The following RFX8 variants were observed in gnomAD, a reference collection of about 807,000 sequenced individuals.
The protein encoded by RFX8 is regulatory factor X8.
In RFX8, 46 loss-of-function variants were observed where a neutral mutation model predicts 54.6. That is an observed-to-expected ratio of 0.84 (90% CI 0.67 to 1.08). The LOEUF (loss-of-function observed/expected upper bound fraction) is 1.08, where lower values mean the gene tolerates loss of function less well. RFX8 is among the 50% of genes least tolerant of loss of function. The pLI is 0.00. For missense variants in RFX8, 536 were observed against 562.3 expected, an observed-to-expected ratio of 0.95 and a Z score of 0.47; for synonymous variants, 192 against 209.5, an observed-to-expected ratio of 0.92 and a Z score of 0.72.
chr2:101,444,712 A>G (rs2148963151), intron 2 of RFX8, among the ~76,000 whole-genome samples: 1 of 152,382 alleles, frequency 6.6e-6, no homozygotes, highest in South Asian at 2.1e-4. Flanking sequence ...ACTGAAAAAT[A>G]CAATAACTAG....
chr2:101,419,534 C>A (rs558936118), intron 4 of RFX8, among the ~76,000 whole-genome samples: 1 of 152,338 alleles, frequency 6.6e-6, no homozygotes, highest in South Asian at 2.1e-4. Context: ...TTTTTTCCCA[C>A]GTTGACTTTT....
chr2:101,468,272 A>C (rs1177652825), intron 1 of RFX8, among the ~76,000 whole-genome samples: 1 of 152,184 alleles, frequency 6.6e-6, no homozygotes, highest in Admixed American at 6.5e-5. Flanking sequence ...AAGTGCCAGC[A>C]AGGTCGGTTC....
At chr2:101,462,554 A>C (rs1015456663) in intron 2 of RFX8, among the ~76,000 whole-genome samples, 2 of 152,216 alleles carry the variant, frequency 1.3e-5, no homozygotes, top group African/African-American at 2.4e-5. Context: ...AGGCAAAAAG[A>C]ATGATAAAAG....
At chr2:101,420,131 A>G (rs950412469) in intron 4 of RFX8, among the ~76,000 whole-genome samples, 1 of 152,086 alleles carries the variant, frequency 6.6e-6, no homozygotes, top group Non-Finnish European at 1.5e-5. Context: ...GCCAAGCCCT[A>G]TTGTCACTGC....
intron 2 of RFX8, among the ~76,000 whole-genome samples, chr2:101,434,679 T>G (rs1287417122): frequency 6.6e-6 from 1 of 152,144 alleles, no homozygotes; most frequent in Non-Finnish European, 1.5e-5. Context: ...CAAGGAAGGG[T>G]GCAGTCCAGG....
intron 2 of RFX8, among the ~76,000 whole-genome samples, chr2:101,446,721 G>A (rs1052355406): frequency 1.5e-4 from 22 of 150,764 alleles, no homozygotes. Flanking sequence ...TCTGAGTGCC[G>A]AGTGCCTGCC....
chr2:101,440,206 T>C (rs910323101), intron 2 of RFX8, among the ~76,000 whole-genome samples: 1 of 152,148 alleles, frequency 6.6e-6, no homozygotes, highest in Non-Finnish European at 1.5e-5. Context: ...CACAGGGTTA[T>C]GCAGCTGTGC....
At chr2:101,431,515 A>G (rs953899471) in intron 2 of RFX8, among the ~76,000 whole-genome samples, 1 of 152,230 alleles carries the variant, frequency 6.6e-6, no homozygotes, top group Non-Finnish European at 1.5e-5. Flanking sequence ...AGGATAGCTT[A>G]TTAAACAATT....
In RFX8 at chr2:101,415,515, G is replaced by A. The variant is rs74495508; in HGVS notation, c.503-603C>T. Among the ~76,000 whole-genome samples the A allele has an allele frequency of 6.0e-3, 908 of 152,244 alleles. 9 individuals are homozygous for A. Among genetic ancestry groups the A allele is most frequent in the African/African-American group, 0.021 (877 of 41,528 alleles). ...ATTGGACTAAGACCAGTACTCAAAG[G>A]AACAACCCCAACTTTCTCATCCTAC... On this transcript the variant is annotated intron_variant, in intron 6 of 11. Coordinates refer to ENST00000428343, the MANE Select transcript of RFX8 (RefSeq NM_001145664.2).
chr2:101,418,263 G>C (rs1368675112), intron 5 of RFX8, among the ~76,000 whole-genome samples: 1 of 152,066 alleles, frequency 6.6e-6, no homozygotes, highest in Non-Finnish European at 1.5e-5. Flanking sequence ...GCCAATATTA[G>C]GTGGGTCAAA....
intron 7 of RFX8, among the ~76,000 whole-genome samples, chr2:101,413,965 G>T (rs985890244): frequency 6.6e-6 from 1 of 152,170 alleles, no homozygotes; most frequent in Non-Finnish European, 1.5e-5. Context: ...GCACAGTGAT[G>T]GTCCCCAGGC....
intron 2 of RFX8, chr2:101,428,931 G>C: frequency 6.9e-7 from 1 of 1,439,204 alleles, no homozygotes; most frequent in Non-Finnish European, 9.4e-7. Flanking sequence ...GTCTGTTATA[G>C]TAAATCTGTT....
intron 2 of RFX8, among the ~76,000 whole-genome samples, chr2:101,433,966 T>A (rs1687634788): frequency 6.6e-6 from 1 of 152,220 alleles, no homozygotes; most frequent in African/African-American, 2.4e-5. Flanking sequence ...TATGTCATTA[T>A]AATTTTGAAA....
rs969397135 is a variant in RFX8 at position 101,433,554 on chromosome 2, A to G, written c.73-11082T>C. Among the ~76,000 whole-genome samples the G allele has an allele frequency of 3.3e-5, 5 of 152,222 alleles. No homozygotes were observed. The South Asian group carries it at 1.0e-3, about 31-fold the overall frequency. ...AATCTTTCAAATGTAGTGTTAGCTT[A>G]ATATGCTTTTTGGCATTAACTTTTT... On this transcript the variant is annotated intron_variant, in intron 2 of 11. Coordinates refer to ENST00000428343, the MANE Select transcript of RFX8 (RefSeq NM_001145664.2).
chr2:101,408,982 C>T (rs917509713), intron 9 of RFX8, among the ~76,000 whole-genome samples: 7 of 152,254 alleles, frequency 4.6e-5, no homozygotes, highest in Admixed American at 6.5e-5. Flanking sequence ...CCCAGGCCCT[C>T]GGAGTCTTTG....
At chr2:101,472,140 G>A (rs908627056) in intron 1 of RFX8, among the ~76,000 whole-genome samples, 10 of 152,086 alleles carry the variant, frequency 6.6e-5, no homozygotes, top group East Asian at 5.8e-4. Context: ...CACTCTTGTC[G>A]CCCACGCTGA....
chr2:101,453,276 CA>C (rs1484424864), intron 2 of RFX8, among the ~76,000 whole-genome samples: 1 of 107,716 alleles, frequency 9.3e-6, no homozygotes, highest in Admixed American at 9.1e-5. Flanking sequence ...GACTCTGTCT[CA>C]AAAAAAAATA....
chr2:101,421,623 C>A, intron 4 of RFX8, 101 bp downstream of exon 4: 2 of 1,479,076 alleles, frequency 1.4e-6, no homozygotes, highest in Non-Finnish European at 1.8e-6. Context: ...CATTGGACAT[C>A]TGTTGACGGG....
intron 2 of RFX8, among the ~76,000 whole-genome samples, chr2:101,435,565 C>G (rs936892408): frequency 2.6e-5 from 4 of 152,306 alleles, no homozygotes; most frequent in East Asian, 1.9e-4. Context: ...CACGTACTCA[C>G]ACATACACAC....
Sources: allele counts gnomAD v4.1 joint callset (sites outside exome capture counted in the v4.1 genomes callset), GRCh38; gene constraint gnomAD v4.1.1; transcripts MANE v1.5; gene names NCBI Gene and HGNC (gene_info 2026-07-23, HGNC 2026-07-21).